SEL1L3: variants seen among roughly 807,000 people sequenced by gnomAD.
The protein encoded by SEL1L3 is protein sel-1 homolog 3.
Under a neutral mutation model 142.8 loss-of-function variants are expected in SEL1L3, and 76 were observed. The observed-to-expected ratio is 0.53, with a 90% CI of 0.44 to 0.64. The LOEUF (loss-of-function observed/expected upper bound fraction) is 0.64. Ranked by LOEUF, SEL1L3 falls within the 30% of genes least tolerant of loss-of-function variation. The pLI, the probability that SEL1L3 is intolerant of heterozygous loss-of-function variation, is 0.00. For synonymous variants in SEL1L3, 504 were observed against 519.6 expected (o/e 0.97, Z 0.41); for missense variants, 1,262 against 1,381.7 (o/e 0.91, Z 1.37).
Position 25,758,965 on chromosome 4 carries a change from G to A in SEL1L3, c.3059C>T (p.Ser1020Phe). 1 of 1,613,860 alleles carries A rather than the reference G, an allele frequency of 6.2e-7. No homozygotes were observed. The highest frequency in any genetic ancestry group is 8.5e-7 in the Non-Finnish European group (1 of 1,179,840). The change falls in exon 21 of 24, where the codon TCC (serine) becomes TTC (phenylalanine). Residue 1020 changes from serine (S) to phenylalanine (F), a missense_variant. Around this residue, in one of 3 missense-constraint regions of SEL1L3, gnomAD observed 435 missense variants for 559.2 expected, o/e 0.78. Coordinates refer to ENST00000399878, the MANE Select transcript of SEL1L3 (RefSeq NM_015187.5). ...CCTTTCGTACAGTTCCTGGAGAATG[G>A]AGATGTTATTAGAATGGAGAGTTGA... ...IDSTLHSNNI[S>F]ILQELYERCW...
chr4:25,802,502 G>C lies in SEL1L3; in HGVS notation c.1777-40C>G, dbSNP rs1440452480. On this transcript the variant is annotated intron_variant, in intron 10 of 23. Transcript: ENST00000399878. ...TTGACAAAGCGTTCATGAGATTGTAGATAGGGTCATAAAATCCTAACACTG... is the reference window on the plus strand; with the variant it reads ...TTGACAAAGCGTTCATGAGATTGTACATAGGGTCATAAAATCCTAACACTG... The C allele has an allele frequency of 2.6e-6, 4 of 1,540,720 alleles. No homozygotes were observed. The Admixed American group carries it at 7.0e-5, about 27-fold the overall frequency.
chr4:25,823,628 T>C (rs1015515979), intron 6 of SEL1L3, among the ~76,000 whole-genome samples: 1 of 152,040 alleles, frequency 6.6e-6, no homozygotes, highest in Admixed American at 6.6e-5. Context: ...GATCAGAGCA[T>C]ATGTGAACAG....
Position 25,815,387 on chromosome 4 carries a change from G to T in SEL1L3, c.1564+2751C>A, listed in dbSNP as rs182570121. Among the ~76,000 whole-genome samples, 1,158 of 152,254 alleles carry T rather than the reference G, an allele frequency of 7.6e-3. 20 individuals carry two copies. The highest frequency in any genetic ancestry group is 0.026 in the African/African-American group (1,093 of 41,536). ...ATACCCAGGGAGTCTTAAGGTAAGGGGACTTATGATTGGGGTTTTTAATTA... is the reference window on the plus strand; with the variant it reads ...ATACCCAGGGAGTCTTAAGGTAAGGTGACTTATGATTGGGGTTTTTAATTA... On this transcript the variant is annotated intron_variant, in intron 9 of 23. Coordinates refer to ENST00000399878, the MANE Select transcript of SEL1L3 (RefSeq NM_015187.5).
At chr4:25,758,195 G>A (rs9990956) in intron 21 of SEL1L3, among the ~76,000 whole-genome samples, 1,952 of 152,302 alleles carry the variant, frequency 0.013, 45 homozygotes, top group African/African-American at 0.045. Flanking sequence ...TTTACGCAGG[G>A]CATGGTGGCT....
chr4:25,824,964 C>T (rs1577662459), intron 6 of SEL1L3, among the ~76,000 whole-genome samples: 1 of 152,032 alleles, frequency 6.6e-6, no homozygotes, highest in East Asian at 1.9e-4. Context: ...TTGGAAGAAA[C>T]AGAAATTGGG....
chr4:25,746,507 A>AATATATATATATATATATATATATAT (rs141668402), downstream of SEL1L3, among the ~76,000 whole-genome samples: 6 of 101,538 alleles, frequency 5.9e-5, no homozygotes, highest in African/African-American at 2.1e-4. Context: ...ATATTATCTA[A>AATATATATATATATATATATATATAT]ATATATATAT....
intron 3 of SEL1L3, among the ~76,000 whole-genome samples, chr4:25,834,589 C>T (rs763444411): frequency 1.3e-5 from 2 of 152,150 alleles, no homozygotes; most frequent in Non-Finnish European, 2.9e-5. Context: ...TCCTGACCCA[C>T]CCAGCTGAGC....
At chr4:25,750,937 C>A (rs181675001) in intron 23 of SEL1L3, among the ~76,000 whole-genome samples, 1 of 152,162 alleles carries the variant, frequency 6.6e-6, no homozygotes, top group Non-Finnish European at 1.5e-5. Flanking sequence ...CTAGTTGTAC[C>A]GAGGAGCTAG....
chr4:25,850,338 A>G (rs1259607681), intron 1 of SEL1L3, among the ~76,000 whole-genome samples: 1 of 152,224 alleles, frequency 6.6e-6, no homozygotes, highest in Non-Finnish European at 1.5e-5. Flanking sequence ...GCTAATCAAC[A>G]AGTAAATGCT....
At chr4:25,845,533 A>C (rs1477904595) in intron 2 of SEL1L3, among the ~76,000 whole-genome samples, 2 of 152,302 alleles carry the variant, frequency 1.3e-5, no homozygotes, top group East Asian at 3.9e-4. Context: ...CAAATGTGCC[A>C]GTTCTAGGGT....
chr4:25,721,694 A>G, the SEL1L3 span, among the ~76,000 whole-genome samples: 1 of 152,232 alleles, frequency 6.6e-6, no homozygotes, highest in Admixed American at 6.5e-5. Context: ...GGAAATTCAC[A>G]GGAGGAAGGC....
chr4:25,849,459 C>T (rs1321769857), intron 1 of SEL1L3, among the ~76,000 whole-genome samples: 2 of 152,156 alleles, frequency 1.3e-5, no homozygotes, highest in Non-Finnish European at 2.9e-5. Flanking sequence ...CATCCGCCTA[C>T]ATGAAGCACC....
intron 15 of SEL1L3, 84 bp downstream of exon 15, chr4:25,782,158 T>C (rs1720044989): frequency 1.7e-6 from 2 of 1,205,766 alleles, no homozygotes; most frequent in Admixed American, 3.9e-5. Context: ...TGGGGTTGGG[T>C]CTGGTGCACA....
chr4:25,754,771 C>G (rs1717844107), intron 23 of SEL1L3, among the ~76,000 whole-genome samples: 1 of 152,074 alleles, frequency 6.6e-6, no homozygotes, highest in Non-Finnish European at 1.5e-5. Flanking sequence ...CTGGATGATT[C>G]ATATGCACAT....
chr4:25,787,632 A>G (rs1711943390), intron 13 of SEL1L3, among the ~76,000 whole-genome samples: 1 of 152,168 alleles, frequency 6.6e-6, no homozygotes, highest in South Asian at 2.1e-4. Context: ...ACTATTTTGT[A>G]TAAAGAACAC....
chr4:25,858,123 C>G (rs937043648), intron 1 of SEL1L3, among the ~76,000 whole-genome samples: 4 of 152,240 alleles, frequency 2.6e-5, no homozygotes, highest in African/African-American at 9.6e-5. Flanking sequence ...ACGGTCTACT[C>G]CAGTCTATCC....
chr4:25,755,110 G>A (rs1717865173), intron 23 of SEL1L3, among the ~76,000 whole-genome samples: 1 of 151,822 alleles, frequency 6.6e-6, no homozygotes, highest in Non-Finnish European at 1.5e-5. Flanking sequence ...TAGAGACTGG[G>A]TCTCATTCTA....
At chr4:25,840,706 T>C (rs1716113506) in intron 2 of SEL1L3, among the ~76,000 whole-genome samples, 1 of 152,200 alleles carries the variant, frequency 6.6e-6, no homozygotes, top group South Asian at 2.1e-4. Context: ...CACCTGAGAT[T>C]ATACCTTGGA....
chr4:25,827,922 T>C (rs1715196343), intron 6 of SEL1L3, among the ~76,000 whole-genome samples: 1 of 152,228 alleles, frequency 6.6e-6, no homozygotes, highest in African/African-American at 2.4e-5. Context: ...TCACAGAACA[T>C]GGAGATCTGA....
Sources: allele counts gnomAD v4.1 joint callset (sites outside exome capture counted in the v4.1 genomes callset), GRCh38; gene constraint gnomAD v4.1.1; regional missense constraint gnomAD v4.1.1; transcripts MANE v1.5; gene names NCBI Gene and HGNC (gene_info 2026-07-23, HGNC 2026-07-21).